The following RFX6 variants were observed in gnomAD, a reference collection of about 807,000 sequenced individuals.
The protein encoded by RFX6 is regulatory factor X6, also known as DNA-binding protein RFX6.
A neutral mutation model predicts 110.8 loss-of-function variants in RFX6; 50 were observed. The ratio of observed to expected loss-of-function variants is 0.45; its 90% CI spans 0.36 to 0.57. The LOEUF (loss-of-function observed/expected upper bound fraction) is 0.57. Among genes scored for constraint, RFX6 ranks in the 20% least tolerant of loss-of-function variants. RFX6 has a pLI of 0.00. For missense variants in RFX6, 990 were observed against 1,127.0 expected, an observed-to-expected ratio of 0.88 and a Z score of 1.74; for synonymous variants, 383 against 411.2, an observed-to-expected ratio of 0.93 and a Z score of 0.83.
At chr6:116,916,638 AT>A (rs766898742) in intron 9 of RFX6, among the ~76,000 whole-genome samples, 2 of 152,048 alleles carry the variant, frequency 1.3e-5, no homozygotes, top group African/African-American at 4.8e-5. Context: ...AACACAGTGG[AT>A]TTTTTTTCAC....
intron 18 of RFX6, 40 bp downstream of exon 18, chr6:116,929,011 T>C (rs1389195568): frequency 1.5e-6 from 2 of 1,335,570 alleles, no homozygotes; most frequent in Non-Finnish European, 2.2e-6. Flanking sequence ...TTTTAAGAAG[T>C]TGTTAACCTC....
At chr6:116,886,551 T>C (rs1421352309) in intron 4 of RFX6, among the ~76,000 whole-genome samples, 3 of 152,188 alleles carry the variant, frequency 2.0e-5, no homozygotes, top group Non-Finnish European at 4.4e-5. Flanking sequence ...CTAAAAATCA[T>C]GAATGAATGT....
Position 116,911,015 on chromosome 6 carries a change from A to G in RFX6, c.753A>G (p.Val251=). ...AATTCCCCAGCGCTCAACACCTTGT[A>G]TACCAAGGATGCATTTCTAAGGACA... is the stretch of plus-strand genomic sequence containing the variant. The part of the protein sequence containing the change: ...LPEFPSAQHL[V]YQGCISKDKV... Residue 251 remains valine, a synonymous_variant, in exon 7 of 19, where the codon GTA becomes GTG. Coordinates refer to ENST00000332958, the MANE Select transcript of RFX6 (RefSeq NM_173560.4). 1 of 1,611,316 alleles carries G rather than the reference A, an allele frequency of 6.2e-7. No individual in the cohort carries two copies.
intron 4 of RFX6, among the ~76,000 whole-genome samples, chr6:116,888,702 GACAA>G (rs992601064): frequency 9.9e-5 from 15 of 152,118 alleles, no homozygotes; most frequent in Admixed American, 4.6e-4. Flanking sequence ...TCCACAGTGA[GACAA>G]ACATCACTTT....
intron 1 of RFX6, 142 bp downstream of exon 1, chr6:116,877,640 A>AT (rs1774491758): frequency 1.9e-6 from 2 of 1,055,636 alleles, no homozygotes; most frequent in African/African-American, 3.2e-5. Flanking sequence ...CCTCAGTAAA[A>AT]TGTCAAGTAG....
intron 4 of RFX6, 151 bp downstream of exon 4, chr6:116,882,579 A>G: frequency 1.6e-6 from 1 of 625,268 alleles, no homozygotes; most frequent in African/African-American, 1.9e-5. Flanking sequence ...GAAAAAAAAA[A>G]AAAGATTTTA....
intron 6 of RFX6, among the ~76,000 whole-genome samples, chr6:116,908,673 CACACACACACACACAG>C (rs1034679588): frequency 1.8e-4 from 15 of 85,640 alleles, no homozygotes; most frequent in African/African-American, 4.1e-4. Flanking sequence ...CTAGCATACA[CACACACACACACACAG>C]ACACACACAC....
Position 116,927,395 on chromosome 6 carries a change from C to T in RFX6, c.2254C>T (p.Arg752Trp), listed in dbSNP as rs757626023. The T allele has an allele frequency of 2.2e-5, 35 of 1,614,032 alleles. No individual in the cohort carries two copies. Among genetic ancestry groups the T allele is most frequent in the East Asian group, 4.5e-5 (2 of 44,892 alleles). Reference protein sequence around the residue: ...GSCAGSPYNSRPPSSYGPSLQ... With the variant: ...GSCAGSPYNSWPPSSYGPSLQ... ...CTGTGCGGGGTCTCCATATAACTCC[C>T]GGCCACCGTCTAGCTATGGCCCATC... The change falls in exon 17 of 19, where the codon CGG becomes TGG. Residue 752 changes from arginine to tryptophan, a missense_variant. By Grantham distance (101) the Arg-to-Trp change is moderately radical (BLOSUM62 -3). Around this residue, in one of 5 missense-constraint regions of RFX6, gnomAD observed 438 missense variants for 441.9 expected, o/e 0.99. Transcript: ENST00000332958.
At chr6:116,882,889 G>A (rs1774620784) in intron 4 of RFX6, among the ~76,000 whole-genome samples, 1 of 152,092 alleles carries the variant, frequency 6.6e-6, no homozygotes, top group Admixed American at 6.5e-5. Context: ...CAGATGACCT[G>A]TTTGGTCATC....
chr6:116,894,703 A>G (rs1582516504), intron 5 of RFX6, among the ~76,000 whole-genome samples: 1 of 152,126 alleles, frequency 6.6e-6, no homozygotes, highest in Non-Finnish European at 1.5e-5. Flanking sequence ...GAATAATTAG[A>G]TGTGTATCTG....
intron 6 of RFX6, among the ~76,000 whole-genome samples, chr6:116,897,532 G>A (rs1031022575): frequency 9.9e-5 from 15 of 152,160 alleles, no homozygotes; most frequent in African/African-American, 2.2e-4. Context: ...TGGATTGTTT[G>A]TAGTCTCATT....
intron 10 of RFX6, 71 bp downstream of exon 10, chr6:116,918,157 A>ACAT: frequency 9.6e-7 from 1 of 1,039,002 alleles, no homozygotes; most frequent in South Asian, 1.3e-5. Context: ...TTAGAAGAAA[A>ACAT]CATTAGGTAG....
At chr6:116,886,244 C>T (rs1265628418) in intron 4 of RFX6, among the ~76,000 whole-genome samples, 1 of 152,006 alleles carries the variant, frequency 6.6e-6, no homozygotes, top group Non-Finnish European at 1.5e-5. Flanking sequence ...CATTGTGAAA[C>T]TGTTCTGATG....
intron 11 of RFX6, 75 bp from the exon 12 acceptor site, chr6:116,920,224 GGAACTATTTTT>G (rs1775562806): frequency 9.8e-7 from 1 of 1,016,236 alleles, no homozygotes; most frequent in East Asian, 2.4e-5. Flanking sequence ...TTTATCTCAA[GGAACTATTTTT>G]CTGATAGCTA....
At chr6:116,880,822 A>G (rs57167027) in intron 3 of RFX6, among the ~76,000 whole-genome samples, 155 bp downstream of exon 3, 18 of 151,994 alleles carry the variant, frequency 1.2e-4, no homozygotes, top group Non-Finnish European at 2.5e-4. Flanking sequence ...TGGAATTGCT[A>G]TATGTTTATA....
chr6:116,921,710 C>G (rs1186238037), intron 12 of RFX6, among the ~76,000 whole-genome samples: 1 of 150,632 alleles, frequency 6.6e-6, no homozygotes, highest in Non-Finnish European at 1.5e-5. Context: ...GGAGTCCCAA[C>G]TGCTTGGGAG....
intron 6 of RFX6, among the ~76,000 whole-genome samples, chr6:116,905,492 C>G (rs576875966): frequency 2.4e-4 from 36 of 151,836 alleles, no homozygotes; most frequent in African/African-American, 8.7e-4. Context: ...CATACATTGC[C>G]TTTCTACTGT....
chr6:116,929,956 ATCT>A (rs1430034138), intron 18 of RFX6, among the ~76,000 whole-genome samples: 1 of 152,164 alleles, frequency 6.6e-6, no homozygotes, highest in Non-Finnish European at 1.5e-5. Flanking sequence ...CTAGCAGCTC[ATCT>A]TCTGCTATCT....
At chr6:116,917,689 CTG>C in intron 9 of RFX6, among the ~76,000 whole-genome samples, 1 of 152,168 alleles carries the variant, frequency 6.6e-6, no homozygotes, top group South Asian at 2.1e-4. Flanking sequence ...ACAGTGAGCT[CTG>C]TAAGTAGAAC....
Sources: allele counts gnomAD v4.1 joint callset (sites outside exome capture counted in the v4.1 genomes callset), GRCh38; gene constraint gnomAD v4.1.1; regional missense constraint gnomAD v4.1.1; transcripts MANE v1.5; gene names NCBI Gene and HGNC (gene_info 2026-07-23, HGNC 2026-07-21).